PTPRD: variants seen among roughly 807,000 people sequenced by gnomAD.
PTPRD encodes protein tyrosine phosphatase receptor type D, also known as receptor-type tyrosine-protein phosphatase delta.
Under a neutral mutation model 214.5 loss-of-function variants are expected in PTPRD, and 34 were observed. The observed-to-expected ratio is 0.16, with a 90% CI of 0.12 to 0.21. PTPRD has a LOEUF of 0.21. Ranked by LOEUF, PTPRD falls within the 10% of genes least tolerant of loss-of-function variation. The pLI, the probability that PTPRD is intolerant of heterozygous loss-of-function variation, is 1.00. For missense variants in PTPRD, 2,545 were observed against 2,398.7 expected, an observed-to-expected ratio of 1.06 and a Z score of -1.27; for synonymous variants, 1,128 against 845.7, an observed-to-expected ratio of 1.33 and a Z score of -5.79.
chr9:10,183,899 G>C (rs1430709060), intron 3 of PTPRD, among the ~76,000 whole-genome samples: 2 of 152,202 alleles, frequency 1.3e-5, no homozygotes, highest in Non-Finnish European at 2.9e-5. Flanking sequence ...ATTGTGTTCT[G>C]ATTGAATGCT....
chr9:10,110,151 T>C (rs1017632315), intron 3 of PTPRD, among the ~76,000 whole-genome samples: 2 of 152,314 alleles, frequency 1.3e-5, no homozygotes, highest in East Asian at 1.9e-4. Context: ...TAAGTACTTA[T>C]TGACACAAAG....
chr9:8,693,145 G>T (rs2097843626), intron 12 of PTPRD, among the ~76,000 whole-genome samples: 1 of 152,196 alleles, frequency 6.6e-6, no homozygotes, highest in Admixed American at 6.5e-5. Flanking sequence ...GCACCTGAAG[G>T]TTGAAGGTAA....
intron 11 of PTPRD, among the ~76,000 whole-genome samples, chr9:8,981,038 C>A (rs544598591): frequency 6.6e-6 from 1 of 152,166 alleles, no homozygotes; most frequent in South Asian, 2.1e-4. Flanking sequence ...GAGCAGCATG[C>A]TGAATTACTT....
At chr9:9,952,269 C>G (rs2093524243) in intron 4 of PTPRD, among the ~76,000 whole-genome samples, 1 of 152,058 alleles carries the variant, frequency 6.6e-6, no homozygotes, top group African/African-American at 2.4e-5. Context: ...CATTATTGGG[C>G]TCTGTAGTGG....
At chr9:8,850,168 G>A (rs1401715871) in intron 11 of PTPRD, among the ~76,000 whole-genome samples, 1 of 152,092 alleles carries the variant, frequency 6.6e-6, no homozygotes, top group African/African-American at 2.4e-5. Flanking sequence ...TTGGGATACA[G>A]GAGAGCCTCC....
chr9:10,385,455 T>C lies in PTPRD; in HGVS notation c.-599-44438A>G, dbSNP rs557019229. Among the ~76,000 whole-genome samples, 28 of 151,964 alleles carry C rather than the reference T, an allele frequency of 1.8e-4. 1 individual carries two copies. In the South Asian group the frequency reaches 4.8e-3, roughly 26 times the overall value. On this transcript the variant is annotated intron_variant, in intron 2 of 45. Coordinates refer to ENST00000381196, the MANE Select transcript of PTPRD (RefSeq NM_002839.4). ...ATTTATTCAGCAAAAAATGTATCTA[T>C]ATACTGAGAGACCAATAAAAAAGAG...
intron 3 of PTPRD, among the ~76,000 whole-genome samples, chr9:10,037,871 G>A (rs563686800): frequency 1.3e-4 from 20 of 152,028 alleles, no homozygotes; most frequent in Non-Finnish European, 2.6e-4. Context: ...AGCTCTTATA[G>A]GCTTTGCATC....
chr9:9,581,270 C>T (rs140728207), intron 7 of PTPRD, among the ~76,000 whole-genome samples: 12 of 152,116 alleles, frequency 7.9e-5, no homozygotes, highest in African/African-American at 2.9e-4. Context: ...ATGTCAAATT[C>T]TAGAGTTTTC....
At chr9:8,599,859 CA>C (rs1360823852) in intron 14 of PTPRD, among the ~76,000 whole-genome samples, 1 of 152,026 alleles carries the variant, frequency 6.6e-6, no homozygotes, top group Non-Finnish European at 1.5e-5. Flanking sequence ...TCAGATGATC[CA>C]CCAGCCTCGG....
At chr9:8,706,657 G>C (rs528755306) in intron 12 of PTPRD, among the ~76,000 whole-genome samples, 16 of 152,310 alleles carry the variant, frequency 1.1e-4, no homozygotes, top group African/African-American at 3.4e-4. Context: ...TGCCAGGCAG[G>C]AATGCATGTC....
intron 3 of PTPRD, among the ~76,000 whole-genome samples, chr9:10,306,950 C>A (rs2096091995): frequency 6.6e-6 from 1 of 152,044 alleles, no homozygotes; most frequent in Non-Finnish European, 1.5e-5. Flanking sequence ...TTGATTCATA[C>A]TATTTGAAAG....
At chr9:8,627,780 G>C (rs1435169555) in intron 14 of PTPRD, among the ~76,000 whole-genome samples, 1 of 151,796 alleles carries the variant, frequency 6.6e-6, no homozygotes, top group Non-Finnish European at 1.5e-5. Context: ...GTCTCTCATA[G>C]ACTATCCACA....
At chr9:9,837,997 C>G (rs1182693496) in intron 5 of PTPRD, among the ~76,000 whole-genome samples, 1 of 152,090 alleles carries the variant, frequency 6.6e-6, no homozygotes, top group Admixed American at 6.6e-5. Context: ...CAATTCCCAC[C>G]AATGAGTGAG....
At chr9:8,336,829 C>T (rs771744639) in intron 43 of PTPRD, among the ~76,000 whole-genome samples, 50 of 151,996 alleles carry the variant, frequency 3.3e-4, no homozygotes, top group East Asian at 5.8e-4. Flanking sequence ...GACACCGATG[C>T]GGCAGACAAA....
intron 12 of PTPRD, among the ~76,000 whole-genome samples, chr9:8,671,836 T>C (rs932919648): frequency 4.6e-5 from 7 of 152,178 alleles, no homozygotes; most frequent in African/African-American, 1.4e-4. Flanking sequence ...AAGGACCCTA[T>C]TTTTATACTT....
chr9:10,252,650 G>A (rs1361664828), intron 3 of PTPRD, among the ~76,000 whole-genome samples: 1 of 152,020 alleles, frequency 6.6e-6, no homozygotes, highest in African/African-American at 2.4e-5. Flanking sequence ...GGGATGATTT[G>A]TTACATAGCG....
intron 14 of PTPRD, among the ~76,000 whole-genome samples, chr9:8,618,310 T>C (rs545701674): frequency 5.9e-5 from 9 of 152,216 alleles, no homozygotes; most frequent in African/African-American, 2.2e-4. Flanking sequence ...ATCTGATACA[T>C]ATTAAATGAA....
intron 10 of PTPRD, among the ~76,000 whole-genome samples, chr9:9,026,439 AC>A (rs2154373317): frequency 6.6e-6 from 1 of 152,064 alleles, no homozygotes; most frequent in African/African-American, 2.4e-5. Context: ...AATGAGGAAG[AC>A]AATAAAGATC....
intron 14 of PTPRD, among the ~76,000 whole-genome samples, chr9:8,565,275 T>C (rs761193307): frequency 1.4e-4 from 22 of 152,180 alleles, no homozygotes; most frequent in African/African-American, 1.9e-4. Flanking sequence ...AAGTTTGAAA[T>C]GTAATCAACT....
Sources: gnomAD v4.1 joint callset for allele counts (sites outside exome capture counted in the v4.1 genomes callset) on GRCh38, gnomAD v4.1.1 for gene constraint, MANE v1.5 for transcripts, NCBI Gene and HGNC (gene_info 2026-07-23, HGNC 2026-07-21) for gene names.